ZNF644: variants seen among roughly 807,000 people sequenced by gnomAD.
ZNF644 encodes zinc finger protein 644.
Under a neutral mutation model 108.0 loss-of-function variants are expected in ZNF644, and 20 were observed. That is an observed-to-expected ratio of 0.19 (90% confidence interval 0.13 to 0.27). The LOEUF (loss-of-function observed/expected upper bound fraction) is 0.27, where lower values mean the gene tolerates loss of function less well. ZNF644 is among the 10% of genes least tolerant of loss of function. The pLI is 1.00. For synonymous variants in ZNF644, 542 were observed against 539.1 expected (o/e 1.01, Z -0.08); for missense variants, 1,338 against 1,548.9 (o/e 0.86, Z 2.29).
intron 1 of ZNF644, among the ~76,000 whole-genome samples, chr1:91,002,188 C>T (rs1658914198): frequency 1.3e-5 from 2 of 152,270 alleles, no homozygotes; most frequent in Admixed American, 6.5e-5. Flanking sequence ...CTTTAAAGTT[C>T]ATATGGAACC....
At chr1:91,003,940 C>T (rs951949639) in intron 1 of ZNF644, among the ~76,000 whole-genome samples, 1 of 151,776 alleles carries the variant, frequency 6.6e-6, no homozygotes, top group African/African-American at 2.4e-5. Flanking sequence ...TTGAAAAGCA[C>T]AATAACTAAA....
At chr1:90,979,447 TG>T (rs1338630886) in intron 2 of ZNF644, among the ~76,000 whole-genome samples, 2 of 152,170 alleles carry the variant, frequency 1.3e-5, no homozygotes, top group Admixed American at 6.6e-5. Flanking sequence ...CATTCCCACC[TG>T]GGCAACAAGA....
intron 4 of ZNF644, among the ~76,000 whole-genome samples, chr1:90,920,379 TAA>T (rs1649299371): frequency 1.3e-5 from 2 of 152,006 alleles, no homozygotes; most frequent in South Asian, 4.1e-4. Flanking sequence ...GTTAGGGGTG[TAA>T]AGCAAATTGA....
intron 4 of ZNF644, among the ~76,000 whole-genome samples, chr1:90,927,757 A>G (rs1480285691): frequency 3.3e-5 from 5 of 152,134 alleles, no homozygotes; most frequent in Non-Finnish European, 5.9e-5. Context: ...TTTTTAAAAT[A>G]TAAGTTTAAC....
intron 4 of ZNF644, among the ~76,000 whole-genome samples, chr1:90,936,002 A>T (rs1289252930): frequency 6.6e-6 from 1 of 152,216 alleles, no homozygotes; most frequent in Non-Finnish European, 1.5e-5. Flanking sequence ...CTTTCTGATG[A>T]AGGCTGGGAG....
At chr1:90,977,337 A>AG (rs1656115849) in intron 2 of ZNF644, among the ~76,000 whole-genome samples, 1 of 152,218 alleles carries the variant, frequency 6.6e-6, no homozygotes, top group African/African-American at 2.4e-5. Flanking sequence ...AATAGTATGA[A>AG]GGGAAAAAAA....
intron 1 of ZNF644, among the ~76,000 whole-genome samples, chr1:91,016,765 T>C (rs887680779): frequency 1.3e-5 from 2 of 152,242 alleles, no homozygotes; most frequent in Non-Finnish European, 2.9e-5. Flanking sequence ...ATCAACACTT[T>C]ATTAGGTATT....
intron 2 of ZNF644, among the ~76,000 whole-genome samples, chr1:90,947,320 C>A (rs1392845601): frequency 6.6e-6 from 1 of 152,056 alleles, no homozygotes; most frequent in Non-Finnish European, 1.5e-5. Flanking sequence ...CACGTGGCTC[C>A]AATAAGACAA....
chr1:90,947,753 T>C (rs1024135472), intron 2 of ZNF644, among the ~76,000 whole-genome samples: 4 of 152,178 alleles, frequency 2.6e-5, no homozygotes, highest in African/African-American at 9.6e-5. Flanking sequence ...AAACCCATGA[T>C]AAATGGAAAA....
intron 1 of ZNF644, among the ~76,000 whole-genome samples, chr1:91,019,755 C>A (rs189891189): frequency 6.6e-6 from 1 of 151,982 alleles, no homozygotes; most frequent in South Asian, 2.1e-4. Flanking sequence ...TTAGTAGAGA[C>A]GGGGTTTCAC....
At chr1:90,927,379 T>G (rs951805870) in intron 4 of ZNF644, among the ~76,000 whole-genome samples, 1 of 152,142 alleles carries the variant, frequency 6.6e-6, no homozygotes, top group Non-Finnish European at 1.5e-5. Flanking sequence ...TTTTGTATGG[T>G]GGAGAAATAG....
At chr1:90,997,631 G>T (rs559552706) in intron 1 of ZNF644, among the ~76,000 whole-genome samples, 1 of 152,132 alleles carries the variant, frequency 6.6e-6, no homozygotes. Context: ...CAGTGTGAGC[G>T]ATGCAGAACA....
chr1:90,990,776 T>A (rs1035847677), intron 1 of ZNF644, among the ~76,000 whole-genome samples: 3 of 152,180 alleles, frequency 2.0e-5, no homozygotes, highest in Admixed American at 1.3e-4. Flanking sequence ...CCAGAAATAG[T>A]ACCTGTTCTC....
chr1:90,933,331 T>C (rs1487421559), intron 4 of ZNF644, among the ~76,000 whole-genome samples: 1 of 152,168 alleles, frequency 6.6e-6, no homozygotes, highest in Non-Finnish European at 1.5e-5. Context: ...ATTAGACTCT[T>C]ATTTATTCAG....
Position 90,938,862 on chromosome 1 carries a change from T to C in ZNF644, c.2492A>G (p.Asp831Gly). The change falls in exon 3 of 6, where the codon GAT becomes GGT. Residue 831 changes from aspartate to glycine, a missense_variant. By Grantham distance (94) the Asp-to-Gly change is moderately conservative (BLOSUM62 -1). Coordinates refer to ENST00000337393, the MANE Select transcript of ZNF644 (RefSeq NM_201269.3). This position sits in a 1 kb window ranked among gnomAD's most constrained non-coding sequence, Gnocchi z 4.2. Reference sequence around the variant, plus strand: ...GACAACAGTCATTTTATGCAAAAAATCTGGATAGCTATCCAAGTCTTCCCC... The same window carrying C: ...GACAACAGTCATTTTATGCAAAAAACCTGGATAGCTATCCAAGTCTTCCCC... ...VGGEDLDSYPDFLHKMTVVVL... is the reference protein window; with the variant it reads ...VGGEDLDSYPGFLHKMTVVVL... 1 of 1,613,960 alleles carries C rather than the reference T, an allele frequency of 6.2e-7. No individual in the cohort carries two copies. The highest frequency in any genetic ancestry group is 8.5e-7 in the Non-Finnish European group (1 of 1,179,946).
At chr1:90,987,190 A>G (rs1221940578) in intron 1 of ZNF644, among the ~76,000 whole-genome samples, 2 of 150,918 alleles carry the variant, frequency 1.3e-5, no homozygotes, top group African/African-American at 4.8e-5. Flanking sequence ...GCAGAGATCA[A>G]CTAAATATAG....
At chr1:90,983,118 C>T (rs953208542) in intron 1 of ZNF644, among the ~76,000 whole-genome samples, 4 of 152,234 alleles carry the variant, frequency 2.6e-5, no homozygotes, top group Non-Finnish European at 1.5e-5. Context: ...TAGCTTGTGA[C>T]TCTTCTAAAT....
chr1:90,931,210 C>T (rs558032626), intron 4 of ZNF644, among the ~76,000 whole-genome samples: 20 of 151,768 alleles, frequency 1.3e-4, no homozygotes, highest in Admixed American at 5.9e-4. Flanking sequence ...ACAAAAAAAG[C>T]TAATCAGTAA....
At position 90,915,989 on chromosome 1, in the gene ZNF644, G is replaced by A. The variant is rs1424742545; in HGVS notation, c.*809C>T. The A allele has an allele frequency of 6.6e-6, 1 of 152,458 alleles. No homozygotes were observed. The highest frequency in any genetic ancestry group is 2.4e-5 in the African/African-American group (1 of 41,404). The allele number at this position is 152,458 out of a possible 1,614,324, so 9.4% of individuals were successfully genotyped here. Reference sequence around the variant, plus strand: ...GAAACAAACCTGTTAACAAAAGAATGTCTTGCAATAAAGAACATTAGATTT... The same window carrying A: ...GAAACAAACCTGTTAACAAAAGAATATCTTGCAATAAAGAACATTAGATTT... On this transcript the variant is annotated 3_prime_UTR_variant, in exon 6 of 6. Transcript: ENST00000337393.
Sources: gnomAD v4.1 joint callset for allele counts (sites outside exome capture counted in the v4.1 genomes callset) on GRCh38, gnomAD v4.1.1 for gene constraint, Gnocchi (gnomAD v3.1) non-coding constraint, MANE v1.5 for transcripts, NCBI Gene and HGNC (gene_info 2026-07-23, HGNC 2026-07-21) for gene names.